ESR1: variants seen among roughly 807,000 people sequenced by gnomAD.
ESR1 encodes the protein estrogen receptor.
Under a neutral mutation model 52.7 loss-of-function variants are expected in ESR1, and 12 were observed. The observed-to-expected ratio is 0.23, with a 90% CI of 0.15 to 0.37. The LOEUF (loss-of-function observed/expected upper bound fraction) is 0.37. Ranked by LOEUF, ESR1 falls within the 10% of genes least tolerant of loss-of-function variation. The probability of loss-of-function intolerance (pLI) is 1.00; values close to 1 mark genes in which losing one functional copy is unlikely to be tolerated. For missense variants in ESR1, 584 were observed against 779.7 expected, an observed-to-expected ratio of 0.75 and a Z score of 2.99; for synonymous variants, 305 against 316.8, an observed-to-expected ratio of 0.96 and a Z score of 0.39.
At chr6:151,853,212 AGAAG>A (rs1284643428) in intron 2 of ESR1, among the ~76,000 whole-genome samples, 24 of 150,572 alleles carry the variant, frequency 1.6e-4, no homozygotes, top group African/African-American at 5.4e-4. Flanking sequence ...AAAGAAAGAA[AGAAG>A]GAAAAAGAAA....
At chr6:152,109,442 G>T (rs2051105224) in intron 6 of ESR1, among the ~76,000 whole-genome samples, 1 of 151,862 alleles carries the variant, frequency 6.6e-6, no homozygotes, top group Non-Finnish European at 1.5e-5. Context: ...AAGGCGGGCG[G>T]ATCACCTGAG....
At position 151,787,599 on chromosome 6, in the gene ESR1, T is replaced by C. The variant is rs371121262; in HGVS notation, c.-70-20244T>C. Among the ~76,000 whole-genome samples the C allele has an allele frequency of 2.1e-4, 32 of 152,288 alleles. No homozygotes were observed. In the East Asian group the frequency reaches 4.4e-3, roughly 21 times the overall value. On this transcript the variant is annotated intron_variant, in intron 2 of 2. Coordinates refer to the ESR1 transcript ENST00000404742. ...GTATTCCTAGGTGTTTTATTTCTTT[T>C]GTGGCAATTGTGAATGGGATTGTGT...
chr6:151,743,813 G>T (rs1210157547), intron 2 of ESR1, among the ~76,000 whole-genome samples: 2 of 152,114 alleles, frequency 1.3e-5, no homozygotes, highest in African/African-American at 4.8e-5. Context: ...GTACAGTCTG[G>T]TAGTTTTTAA....
At chr6:151,743,596 A>T (rs1783258595) in intron 2 of ESR1, among the ~76,000 whole-genome samples, 1 of 152,150 alleles carries the variant, frequency 6.6e-6, no homozygotes, top group African/African-American at 2.4e-5. Context: ...TACATACTTC[A>T]TAGAACTTGG....
At chr6:151,829,213 A>G (rs755345934) in intron 1 of ESR1, among the ~76,000 whole-genome samples, 1 of 152,198 alleles carries the variant, frequency 6.6e-6, no homozygotes, top group African/African-American at 2.4e-5. Context: ...CAATGTCATA[A>G]TAGATGAATT....
At chr6:152,034,154 G>C (rs148909509) in intron 5 of ESR1, among the ~76,000 whole-genome samples, 14 of 136,224 alleles carry the variant, frequency 1.0e-4, no homozygotes, top group East Asian at 7.7e-4. Flanking sequence ...GGTTGGGGAG[G>C]GGGGAGGGAT....
At chr6:151,842,544 G>T (rs2128233823) in intron 1 of ESR1, 53 bp from the exon 2 acceptor site, 1 of 1,464,596 alleles carries the variant, frequency 6.8e-7, no homozygotes. Flanking sequence ...CTCCCAGAGA[G>T]TGCATGTTTT....
intron 2 of ESR1, among the ~76,000 whole-genome samples, chr6:151,855,095 G>C (rs112320317): frequency 1.4e-4 from 22 of 152,250 alleles, no homozygotes; most frequent in African/African-American, 4.3e-4. Flanking sequence ...TGTATTTTTG[G>C]TGGAGACGGG....
chr6:152,044,044 A>AT (rs998620652), intron 5 of ESR1, among the ~76,000 whole-genome samples: 1 of 152,088 alleles, frequency 6.6e-6, no homozygotes, highest in African/African-American at 2.4e-5. Flanking sequence ...TGAGTTCATC[A>AT]TTTTTTTGTT....
At position 152,101,498 on chromosome 6, in the gene ESR1, T is replaced by G; in HGVS notation, c.*2532T>G. On this transcript the variant is annotated 3_prime_UTR_variant, in exon 8 of 8. Transcript: ENST00000206249. ...TATTCATGTTAAGATACTACTACATTTGAAGTGGGCAGAGAACATCAGATG... is the reference window on the plus strand; with the variant it reads ...TATTCATGTTAAGATACTACTACATGTGAAGTGGGCAGAGAACATCAGATG... 1 of 232,460 alleles carries G rather than the reference T, an allele frequency of 4.3e-6. No individual in the cohort carries two copies. 14.4% of individuals were successfully genotyped at this position (232,460 alleles called of 1,614,324 possible).
At chr6:151,773,260 C>A (rs566470668) in intron 2 of ESR1, among the ~76,000 whole-genome samples, 28 of 152,282 alleles carry the variant, frequency 1.8e-4, no homozygotes, top group African/African-American at 6.3e-4. Flanking sequence ...TGCCAGCAAA[C>A]CCCCAGAAGC....
At chr6:151,896,750 G>A (rs538678952) in intron 3 of ESR1, among the ~76,000 whole-genome samples, 1 of 150,540 alleles carries the variant, frequency 6.6e-6, no homozygotes, top group African/African-American at 2.4e-5. Context: ...TTTTATTTCT[G>A]TAGTTCCTTG....
intron 6 of ESR1, among the ~76,000 whole-genome samples, chr6:152,071,261 A>G (rs1371544435): frequency 6.6e-6 from 1 of 152,210 alleles, no homozygotes; most frequent in Non-Finnish European, 1.5e-5. Context: ...AAATTGTGAT[A>G]TAAAAATAGT....
chr6:152,098,712 C>T lies in ESR1; in HGVS notation c.1554-20C>T, dbSNP rs572974224. On this transcript the variant is annotated intron_variant, in intron 7 of 7. Transcript: ENST00000206249. This position sits in a 1 kb window ranked among gnomAD's most constrained non-coding sequence, Gnocchi z 5.1. ...CGGGTTGGCTCTAAAGTAGTCCTTT[C>T]TGTGTCTTCCCACCTACAGTAACAA... 3 of 1,606,592 alleles carry T rather than the reference C, an allele frequency of 1.9e-6. No homozygotes were observed. The African/African-American group carries it at 4.0e-5, about 21-fold the overall frequency.
intron 1 of ESR1, among the ~76,000 whole-genome samples, chr6:151,820,795 A>G (rs1554262175): frequency 2.0e-5 from 3 of 152,168 alleles, no homozygotes; most frequent in Non-Finnish European, 2.9e-5. Context: ...TGTTTAAACA[A>G]TTTTCCATTA....
rs1353688026 is a variant in ESR1, at chr6:152,059,218, C to A, written c.1236-1773C>A. On this transcript the variant is annotated intron_variant, in intron 5 of 7. Transcript: ENST00000206249. Reference sequence around the variant, plus strand: ...AAATTGTTATAAAAATGAATAAACCCCAGAAGATCAAAAATTTAAACATAA... The same window carrying A: ...AAATTGTTATAAAAATGAATAAACCACAGAAGATCAAAAATTTAAACATAA... Among the ~76,000 whole-genome samples, 3 of 151,460 alleles carry A rather than the reference C, an allele frequency of 2.0e-5. No homozygotes were observed. The South Asian group carries it at 6.3e-4, about 32-fold the overall frequency.
At chr6:152,107,691 C>T (rs533192721), downstream of ESR1, among the ~76,000 whole-genome samples, 25 of 152,178 alleles carry the variant, frequency 1.6e-4, no homozygotes, top group Non-Finnish European at 4.4e-5. Context: ...GAAAACTGAA[C>T]ATTTTAGATA....
At chr6:152,036,717 A>G (rs2045335643) in intron 5 of ESR1, among the ~76,000 whole-genome samples, 1 of 152,260 alleles carries the variant, frequency 6.6e-6, no homozygotes, top group African/African-American at 2.4e-5. Context: ...AAACCTTGAA[A>G]TAGAGGTTGG....
At chr6:151,724,073 G>A (rs1340122172) in intron 2 of ESR1, among the ~76,000 whole-genome samples, 2 of 152,094 alleles carry the variant, frequency 1.3e-5, no homozygotes, top group African/African-American at 4.8e-5. Context: ...GCCTGTGGGG[G>A]CAGGGGCATG....
Sources: allele counts gnomAD v4.1 joint callset (sites outside exome capture counted in the v4.1 genomes callset), GRCh38; gene constraint gnomAD v4.1.1; non-coding constraint Gnocchi (gnomAD v3.1); transcripts MANE v1.5; gene names NCBI Gene and HGNC (gene_info 2026-07-23, HGNC 2026-07-21).